The following NUDT14 variants were observed in gnomAD, a reference collection of about 807,000 sequenced individuals.
NUDT14 encodes the protein nudix hydrolase 14.
Under a neutral mutation model 17.5 loss-of-function variants are expected in NUDT14, and 22 were observed. The observed-to-expected ratio is 1.26, with a 90% CI of 0.90 to 1.80. The LOEUF (loss-of-function observed/expected upper bound fraction) is 1.80. Among genes scored for constraint, NUDT14 ranks in the 40% most tolerant of loss-of-function variants. The probability of loss-of-function intolerance (pLI) is 0.00; values close to 1 mark genes in which losing one functional copy is unlikely to be tolerated. For missense variants in NUDT14, 296 were observed against 295.6 expected (o/e 1.00, Z -0.01); for synonymous variants, 129 against 125.8 (o/e 1.03, Z -0.17).
intron 1 of NUDT14, 66 bp from the exon 2 acceptor site, chr14:105,177,801 G>A (rs1441685416): frequency 1.3e-6 from 2 of 1,519,326 alleles, no homozygotes; most frequent in Non-Finnish European, 1.8e-6. Flanking sequence ...GAACCGAGGA[G>A]GCCACAGACC....
intron 2 of NUDT14, chr14:105,177,252 A>T: frequency 1.5e-6 from 1 of 647,790 alleles, no homozygotes; most frequent in Non-Finnish European, 2.8e-6. Flanking sequence ...AGCTGGCAGG[A>T]TGGGAGGCGG....
At chr14:105,174,962 C>T (rs587659270) in intron 4 of NUDT14, among the ~76,000 whole-genome samples, 4 of 152,206 alleles carry the variant, frequency 2.6e-5, no homozygotes, top group Non-Finnish European at 5.9e-5. Context: ...CCCTCAGAGA[C>T]GGACACCCTG....
chr14:105,178,505 G>A (rs897118385), intron 1 of NUDT14, among the ~76,000 whole-genome samples: 2 of 152,204 alleles, frequency 1.3e-5, no homozygotes, highest in Non-Finnish European at 2.9e-5. Flanking sequence ...GTGAACGGAG[G>A]AGGCAGGGTG....
chr14:105,180,560 G>A (rs1478225350), intron 1 of NUDT14, among the ~76,000 whole-genome samples: 1 of 152,198 alleles, frequency 6.6e-6, no homozygotes, highest in Non-Finnish European at 1.5e-5. Context: ...CCTGGCATGG[G>A]AGAAGGTGAC....
chr14:105,178,382 C>T (rs1415002074), intron 1 of NUDT14, among the ~76,000 whole-genome samples: 1 of 152,096 alleles, frequency 6.6e-6, no homozygotes, highest in African/African-American at 2.4e-5. Flanking sequence ...TTTCTGGCCT[C>T]GACTCTCCCA....
chr14:105,176,571 A>T lies in NUDT14; in HGVS notation c.391T>A (p.Leu131Met), dbSNP rs781341775. The T allele has an allele frequency of 6.2e-7, 1 of 1,612,682 alleles. No individual in the cohort carries two copies. ...KEAWEECGYH[L>M]APSDLRRVAT... Reference sequence around the variant, plus strand: ...ACCCGGCGCAGATCAGAGGGGGCCAAGTGGTAGCCACACTCCTCCCAAGCC... The same window carrying T: ...ACCCGGCGCAGATCAGAGGGGGCCATGTGGTAGCCACACTCCTCCCAAGCC... Residue 131 changes from leucine to methionine, a missense_variant, in exon 4 of 5, where the codon TTG (leucine) becomes ATG (methionine). Leu to Met is a conservative substitution (Grantham distance 15). Transcript: ENST00000392568.
In NUDT14 at chr14:105,176,702, C is replaced by T. The variant is rs763091731; in HGVS notation, c.260G>A (p.Arg87Gln). 4.3e-6 allele frequency: 7 copies of T among 1,612,630 alleles called. No homozygotes were observed. The highest frequency in any genetic ancestry group is 2.2e-5 in the East Asian group (1 of 44,900). ...GCCGGGCAGGGCTGGCTGTAGCTCC[C>T]GAGGCCCGTCCTGGTCTACAGCTGC... is the stretch of plus-strand genomic sequence containing the variant. ...SLAAVDQDGP[R>Q]ELQPALPGSA... Residue 87 changes from arginine to glutamine, a missense_variant, in exon 4 of 5, where the codon CGG becomes CAG. Arg to Gln is a conservative substitution (Grantham distance 43, BLOSUM62 1). Transcript: ENST00000392568.
intron 1 of NUDT14, among the ~76,000 whole-genome samples, chr14:105,178,838 G>T (rs1889270721): frequency 6.6e-6 from 1 of 152,190 alleles, no homozygotes; most frequent in African/African-American, 2.4e-5. Context: ...AGGCGCAGAG[G>T]CCCTCTGAGC....
intron 1 of NUDT14, among the ~76,000 whole-genome samples, chr14:105,178,850 T>A (rs67232936): frequency 0.13 from 19,105 of 152,168 alleles, 1,392 homozygotes; most frequent in Middle Eastern, 0.24. Context: ...CCTCTGAGCT[T>A]GGCCGGGAGG....
At position 105,173,301 on chromosome 14, in the gene NUDT14, GC is replaced by G. The variant is rs760930610; in HGVS notation, c.429-41del. 4.1e-6 allele frequency: 6 copies of G among 1,459,408 alleles called. No homozygotes were observed. The Admixed American group carries it at 1.3e-4, about 31-fold the overall frequency. The allele number at this position is 1,459,408 out of a possible 1,614,324, so 90.4% of individuals were successfully genotyped here. A position where few individuals can be genotyped will look rare whatever the true frequency, so the allele number is the denominator to read the frequency against. ...AGGGTCTGCTGAGTCACCCACGCTG[GC>G]CCCGCTGGCCCCCTGGCCCTTCTAC... On this transcript the variant is annotated intron_variant, in intron 4 of 4. Transcript: ENST00000392568. This position sits in a 1 kb window ranked among gnomAD's most constrained non-coding sequence, Gnocchi z 4.7.
chr14:105,178,731 C>A (rs1365591485), intron 1 of NUDT14, among the ~76,000 whole-genome samples: 1 of 152,230 alleles, frequency 6.6e-6, no homozygotes, highest in Non-Finnish European at 1.5e-5. Flanking sequence ...AGCAGAGACA[C>A]AGAAGTGCAG....
In NUDT14 at chr14:105,173,485, TG is replaced by T; in HGVS notation, c.429-225del. 1 of 414,036 alleles carries T rather than the reference TG, an allele frequency of 2.4e-6. No homozygotes were observed. Among genetic ancestry groups the T allele is most frequent in the Non-Finnish European group, 4.2e-6 (1 of 238,154 alleles). The allele number at this position is 414,036 out of a possible 1,614,324, so 25.6% of individuals were successfully genotyped here. ...CCCTGATCACGTTGTACTCGCCAGG[TG>T]GGGTGGGTGTTGTCGATGTGATTAA... On this transcript the variant is annotated intron_variant, in intron 4 of 4. Transcript: ENST00000392568. This position sits in a 1 kb window ranked among gnomAD's most constrained non-coding sequence, Gnocchi z 4.7.
intron 2 of NUDT14, chr14:105,177,451 A>G: frequency 1.8e-6 from 1 of 564,928 alleles, no homozygotes; most frequent in Non-Finnish European, 3.2e-6. Flanking sequence ...CCCTGCCCTG[A>G]GAGGGCCTGC....
intron 4 of NUDT14, chr14:105,175,920 T>C (rs951553868): frequency 8.2e-7 from 1 of 1,225,822 alleles, no homozygotes; most frequent in Non-Finnish European, 1.1e-6. Context: ...CTGGTGGGGG[T>C]GGGGGTCTGT....
At chr14:105,176,235 C>G (rs189196530) in intron 4 of NUDT14, among the ~76,000 whole-genome samples, 2 of 152,148 alleles carry the variant, frequency 1.3e-5, no homozygotes, top group African/African-American at 4.8e-5. Context: ...CCCCCAGCGC[C>G]CGGTCTTAAT....
chr14:105,177,750 T>A lies in NUDT14; in HGVS notation c.82-15A>T. ...TGGGCACCATTCTAGAAGGGGCAGG[T>A]CAGCGGTTAGAATGTCCCAGGATGG... On this transcript the variant is annotated splice_polypyrimidine_tract_variant and intron_variant, in intron 1 of 4. Coordinates refer to ENST00000392568, the MANE Select transcript of NUDT14 (RefSeq NM_177533.5). 1 of 1,611,816 alleles carries A rather than the reference T, an allele frequency of 6.2e-7. No individual in the cohort carries two copies. Among genetic ancestry groups the A allele is most frequent in the Non-Finnish European group, 8.5e-7 (1 of 1,179,268 alleles).
chr14:105,180,597 T>G (rs1889305477), intron 1 of NUDT14, among the ~76,000 whole-genome samples: 1 of 152,032 alleles, frequency 6.6e-6, no homozygotes, highest in Admixed American at 6.6e-5. Context: ...AAGGCTGAGC[T>G]TAGGCAGATG....
chr14:105,176,236 C>T (rs1304926309), intron 4 of NUDT14, among the ~76,000 whole-genome samples: 3 of 152,150 alleles, frequency 2.0e-5, no homozygotes, highest in Non-Finnish European at 2.9e-5. Flanking sequence ...CCCCAGCGCC[C>T]GGTCTTAATC....
In NUDT14 at chr14:105,176,584, C is replaced by A. The variant is rs775112094; in HGVS notation, c.378G>T (p.Glu126Asp). Residue 126 changes from glutamate to aspartate, a missense_variant, in exon 4 of 5, where the codon GAG becomes GAT. Physicochemically the swap from Glu to Asp is conservative, Grantham distance 45. Coordinates refer to ENST00000392568, the MANE Select transcript of NUDT14 (RefSeq NM_177533.5). The part of the protein sequence containing the change: ...EEVACKEAWE[E>D]CGYHLAPSDL... The stretch of plus-strand genomic sequence containing the variant: ...CAGAGGGGGCCAAGTGGTAGCCACA[C>A]TCCTCCCAAGCCTCCTTGCAAGCCA... 1 of 1,612,752 alleles carries A rather than the reference C, an allele frequency of 6.2e-7. No individual in the cohort carries two copies. Among genetic ancestry groups the A allele is most frequent in the Admixed American group, 1.7e-5 (1 of 60,028 alleles).
Sources: gnomAD v4.1 joint callset for allele counts (sites outside exome capture counted in the v4.1 genomes callset) on GRCh38, gnomAD v4.1.1 for gene constraint, Gnocchi (gnomAD v3.1) non-coding constraint, MANE v1.5 for transcripts, NCBI Gene and HGNC (gene_info 2026-07-23, HGNC 2026-07-21) for gene names.